GALNT18: variants seen among roughly 807,000 people sequenced by gnomAD.
GALNT18 encodes the protein GalNAc-transferase 18.
Under a neutral mutation model 69.5 loss-of-function variants are expected in GALNT18, and 44 were observed. The observed-to-expected ratio is 0.63, with a 90% CI of 0.50 to 0.81. The LOEUF is 0.81. Ranked by LOEUF, GALNT18 falls within the 40% of genes least tolerant of loss-of-function variation. The pLI, the probability that GALNT18 is intolerant of heterozygous loss-of-function variation, is 0.00. For synonymous variants in GALNT18, 364 were observed against 318.2 expected, an observed-to-expected ratio of 1.14 and a Z score of -1.53; for missense variants, 715 against 810.0, an observed-to-expected ratio of 0.88 and a Z score of 1.42.
At position 11,415,060 on chromosome 11, in the gene GALNT18, T is replaced by A. The variant is rs1396616805; in HGVS notation, c.595+17561A>T. ...CTGGCTGTCATCTGGGGAATGCTCT[T>A]GGCAACAAGAGGCTGCCCAATCTCC... On this transcript the variant is annotated intron_variant, in intron 3 of 10. Coordinates refer to ENST00000227756, the MANE Select transcript of GALNT18 (RefSeq NM_198516.3). This position sits in a 1 kb window ranked among gnomAD's most constrained non-coding sequence, Gnocchi z 4.1. 6.6e-6 allele frequency among the ~76,000 whole-genome samples: 1 copy of A among 152,228 alleles called. No individual in the cohort carries two copies. Among genetic ancestry groups the A allele is most frequent in the African/African-American group, 2.4e-5 (1 of 41,450 alleles).
Position 11,293,210 on chromosome 11 carries a change from G to T in GALNT18, c.1513-17C>A. On this transcript the variant is annotated splice_polypyrimidine_tract_variant and intron_variant, in intron 9 of 10. Transcript: ENST00000227756. ...GTACACGTTCTGGGGGCGGAGGGAGGGAGAGAGTGTGGATAAATGCCAATG... is the reference window on the plus strand; with the variant it reads ...GTACACGTTCTGGGGGCGGAGGGAGTGAGAGAGTGTGGATAAATGCCAATG... The T allele has an allele frequency of 7.6e-7, 1 of 1,317,490 alleles. No individual in the cohort carries two copies. Among genetic ancestry groups the T allele is most frequent in the Non-Finnish European group, 9.8e-7 (1 of 1,024,128 alleles). 81.6% of individuals were successfully genotyped at this position (1,317,490 alleles called of 1,614,324 possible).
At chr11:11,400,959 C>T (rs1208579020) in intron 3 of GALNT18, among the ~76,000 whole-genome samples, 5 of 152,116 alleles carry the variant, frequency 3.3e-5, no homozygotes, top group African/African-American at 4.8e-5. Flanking sequence ...GTGCCAGGAG[C>T]GGGGCTAAGT....
At chr11:11,597,062 G>A (rs185007052) in intron 1 of GALNT18, among the ~76,000 whole-genome samples, 4 of 152,174 alleles carry the variant, frequency 2.6e-5, no homozygotes, top group South Asian at 2.1e-4. Context: ...ATGATCATGC[G>A]GTTTTTATAC....
At chr11:11,456,330 C>G (rs1286332847) in intron 1 of GALNT18, among the ~76,000 whole-genome samples, 2 of 152,176 alleles carry the variant, frequency 1.3e-5, no homozygotes, top group Non-Finnish European at 2.9e-5. Flanking sequence ...GCCCTACCTG[C>G]AAATTATGCA....
At chr11:11,354,486 C>T (rs1358073966) in intron 6 of GALNT18, among the ~76,000 whole-genome samples, 1 of 152,178 alleles carries the variant, frequency 6.6e-6, no homozygotes, top group African/African-American at 2.4e-5. Flanking sequence ...TTCACTTCAC[C>T]TTCCAACACT....
intron 1 of GALNT18, among the ~76,000 whole-genome samples, chr11:11,561,340 CT>C (rs1858500445): frequency 7.5e-6 from 1 of 133,164 alleles, no homozygotes; most frequent in African/African-American, 2.9e-5. Context: ...ACCAACACTT[CT>C]CCAAATGAAG....
At chr11:11,506,315 A>G (rs1857069019) in intron 1 of GALNT18, among the ~76,000 whole-genome samples, 1 of 152,176 alleles carries the variant, frequency 6.6e-6, no homozygotes, top group South Asian at 2.1e-4. Flanking sequence ...ACTACAAAAT[A>G]TTTAATATGT....
chr11:11,392,135 G>T (rs901899408), intron 3 of GALNT18, among the ~76,000 whole-genome samples: 2 of 152,176 alleles, frequency 1.3e-5, no homozygotes, highest in Non-Finnish European at 2.9e-5. Context: ...CCACTGGACT[G>T]TGAGCTCCTT....
intron 1 of GALNT18, among the ~76,000 whole-genome samples, chr11:11,460,595 G>T (rs866694151): frequency 6.6e-6 from 1 of 152,084 alleles, no homozygotes; most frequent in Non-Finnish European, 1.5e-5. Flanking sequence ...TTCCTCCCTC[G>T]TACACTCACT....
rs1198717720 is a variant in GALNT18 at position 11,606,134 on chromosome 11, G to A, written c.235+15225C>T. On this transcript the variant is annotated intron_variant, in intron 1 of 10. Transcript: ENST00000227756. The surrounding 1 kb of genome is among the most constrained non-coding windows in gnomAD (Gnocchi z 5.4). ...CCTTCCAGGCAGTCTTAAAGCCAGA[G>A]GTCTGGATGTGAATCCTAGCACCAC... 3.3e-5 allele frequency among the ~76,000 whole-genome samples: 5 copies of A among 152,174 alleles called. No individual in the cohort carries two copies. The highest frequency in any genetic ancestry group is 1.2e-4 in the African/African-American group (5 of 41,416).
chr11:11,541,823 C>T lies in GALNT18; in HGVS notation c.235+79536G>A, dbSNP rs971140074. Among the ~76,000 whole-genome samples, 3 of 152,160 alleles carry T rather than the reference C, an allele frequency of 2.0e-5. No homozygotes were observed. Among genetic ancestry groups the T allele is most frequent in the African/African-American group, 7.2e-5 (3 of 41,416 alleles). On this transcript the variant is annotated intron_variant, in intron 1 of 10. Transcript: ENST00000227756. The surrounding 1 kb of genome is among the most constrained non-coding windows in gnomAD (Gnocchi z 4.8). ...ACGTGAGCCTAGGGCACAAGCCAAG[C>T]CCAGAAGCCTCTCCCGAAGAGTGAG... is the stretch of plus-strand genomic sequence containing the variant.
At chr11:11,462,625 A>G (rs956721970) in intron 1 of GALNT18, among the ~76,000 whole-genome samples, 2 of 152,056 alleles carry the variant, frequency 1.3e-5, no homozygotes, top group Non-Finnish European at 2.9e-5. Flanking sequence ...TTTTCTCATC[A>G]GTAAACACAA....
At position 11,389,427 on chromosome 11, in the gene GALNT18, C is replaced by T. The variant is rs951702932; in HGVS notation, c.596-10163G>A. The stretch of plus-strand genomic sequence containing the variant: ...AAATGACCTTGGCAAAGGGCCACCT[C>T]GCCTTTGTACTTCCTGGGGCTGTGT... On this transcript the variant is annotated intron_variant, in intron 3 of 10. Transcript: ENST00000227756. The surrounding 1 kb of genome is among the most constrained non-coding windows in gnomAD (Gnocchi z 4.3). Among the ~76,000 whole-genome samples the T allele has an allele frequency of 1.8e-4, 27 of 152,320 alleles. No homozygotes were observed. The highest frequency in any genetic ancestry group is 6.3e-4 in the African/African-American group (26 of 41,574).
intron 1 of GALNT18, among the ~76,000 whole-genome samples, chr11:11,513,959 G>A (rs539784532): frequency 4.1e-5 from 6 of 144,762 alleles, no homozygotes; most frequent in Admixed American, 7.1e-5. Flanking sequence ...AACTACTGGT[G>A]AGCAGCTCAG....
intron 1 of GALNT18, among the ~76,000 whole-genome samples, chr11:11,579,645 T>C (rs2133905220): frequency 6.6e-6 from 1 of 151,020 alleles, no homozygotes; most frequent in African/African-American, 2.4e-5. Context: ...GAGCTCCTTG[T>C]GAGGAGGGGC....
chr11:11,520,777 C>T (rs529189315), intron 1 of GALNT18, among the ~76,000 whole-genome samples: 1 of 152,316 alleles, frequency 6.6e-6, no homozygotes, highest in African/African-American at 2.4e-5. Flanking sequence ...GGAACCCCTT[C>T]CTGGTCAGGC....
intron 1 of GALNT18, among the ~76,000 whole-genome samples, chr11:11,451,149 T>C (rs931150259): frequency 6.3e-4 from 96 of 152,252 alleles, no homozygotes; most frequent in Admixed American, 6.3e-3. Context: ...CAAATCTCCA[T>C]CTCAGAACTT....
chr11:11,421,159 T>G lies in GALNT18; in HGVS notation c.595+11462A>C, dbSNP rs1374440591. Among the ~76,000 whole-genome samples, 1 of 151,268 alleles carries G rather than the reference T, an allele frequency of 6.6e-6. No homozygotes were observed. Among genetic ancestry groups the G allele is most frequent in the South Asian group, 2.1e-4 (1 of 4,770 alleles). On this transcript the variant is annotated intron_variant, in intron 3 of 10. Coordinates refer to ENST00000227756, the MANE Select transcript of GALNT18 (RefSeq NM_198516.3). The surrounding 1 kb of genome is among the most constrained non-coding windows in gnomAD (Gnocchi z 5.6). The stretch of plus-strand genomic sequence containing the variant: ...TATCGAGTAAAGGGGACAAGAGGAG[T>G]GATGAGCTACCCACACCACTGCCAG...
At chr11:11,361,447 T>C (rs766315756) in intron 6 of GALNT18, among the ~76,000 whole-genome samples, 1 of 152,240 alleles carries the variant, frequency 6.6e-6, no homozygotes, top group African/African-American at 2.4e-5. Flanking sequence ...GTAAAGCACT[T>C]AGGACAGTAT....
Sources: allele counts gnomAD v4.1 joint callset (sites outside exome capture counted in the v4.1 genomes callset), GRCh38; gene constraint gnomAD v4.1.1; non-coding constraint Gnocchi (gnomAD v3.1); transcripts MANE v1.5; gene names NCBI Gene and HGNC (gene_info 2026-07-23, HGNC 2026-07-21).